RIMS2: variants seen among roughly 807,000 people sequenced by gnomAD.
RIMS2 encodes regulating synaptic membrane exocytosis protein 2.
In RIMS2, 59 loss-of-function variants were observed where a neutral mutation model predicts 174.4. That is an observed-to-expected ratio of 0.34 (90% CI 0.27 to 0.42). The LOEUF is 0.42. Ranked by LOEUF, RIMS2 falls within the 10% of genes least tolerant of loss-of-function variation. RIMS2 has a pLI of 1.00. For missense variants in RIMS2, 1,620 were observed against 1,666.3 expected, an observed-to-expected ratio of 0.97 and a Z score of 0.48; for synonymous variants, 606 against 572.5, an observed-to-expected ratio of 1.06 and a Z score of -0.84.
intron 19 of RIMS2, among the ~76,000 whole-genome samples, chr8:104,086,652 C>A (rs1045874514): frequency 1.3e-5 from 2 of 152,152 alleles, no homozygotes; most frequent in Admixed American, 1.3e-4. Flanking sequence ...ATTAGTAAGT[C>A]TTGGCATACA....
At chr8:103,806,488 G>A (rs1282288114) in intron 3 of RIMS2, among the ~76,000 whole-genome samples, 1 of 152,094 alleles carries the variant, frequency 6.6e-6, no homozygotes, top group Admixed American at 6.6e-5. Context: ...CAGCCATTTG[G>A]TCCAAAAAGC....
chr8:103,556,065 GA>G (rs1850320785), intron 1 of RIMS2, among the ~76,000 whole-genome samples: 1 of 152,062 alleles, frequency 6.6e-6, no homozygotes, highest in African/African-American at 2.4e-5. Flanking sequence ...GGATTTGTGA[GA>G]TGGTGAAAAG....
chr8:104,127,113 T>G (rs1159577956), intron 19 of RIMS2, among the ~76,000 whole-genome samples: 1 of 152,202 alleles, frequency 6.6e-6, no homozygotes, highest in Non-Finnish European at 1.5e-5. Context: ...AATACCCTGC[T>G]TTTACATTTT....
intron 19 of RIMS2, among the ~76,000 whole-genome samples, chr8:104,075,087 G>C (rs1343030693): frequency 1.3e-5 from 2 of 152,136 alleles, no homozygotes; most frequent in African/African-American, 2.4e-5. Context: ...GAAAAATTGA[G>C]CTGCTGTTAG....
intron 19 of RIMS2, among the ~76,000 whole-genome samples, 198 bp downstream of exon 23, chr8:104,068,810 A>C (rs2097147972): frequency 6.6e-6 from 1 of 152,216 alleles, no homozygotes. Flanking sequence ...AAACTATTAT[A>C]AAATACAGAA....
chr8:103,944,534 C>T (rs369182342), intron 14 of RIMS2, among the ~76,000 whole-genome samples: 8 of 151,960 alleles, frequency 5.3e-5, no homozygotes, highest in African/African-American at 7.2e-5. Flanking sequence ...ATACCTGAAA[C>T]GCTTAAATCT....
At chr8:103,542,959 A>G (rs1079944) in intron 1 of RIMS2, among the ~76,000 whole-genome samples, 9,944 of 152,288 alleles carry the variant, frequency 0.065, 400 homozygotes, top group South Asian at 0.088. Flanking sequence ...AAGATCAGGA[A>G]TAAGACAAGG....
At chr8:103,550,847 G>GA (rs1353451529) in intron 1 of RIMS2, among the ~76,000 whole-genome samples, 2 of 151,780 alleles carry the variant, frequency 1.3e-5, no homozygotes, top group African/African-American at 4.9e-5. Flanking sequence ...AAATAAAGTA[G>GA]AAAATCTAGA....
chr8:103,541,543 A>G (rs1289822194), intron 1 of RIMS2, among the ~76,000 whole-genome samples: 1 of 152,246 alleles, frequency 6.6e-6, no homozygotes, highest in Non-Finnish European at 1.5e-5. Context: ...TCAAACTGAA[A>G]TAAGAAAAGA....
At chr8:104,241,008 G>T (rs1413697154) in intron 19 of RIMS2, among the ~76,000 whole-genome samples, 3 of 152,036 alleles carry the variant, frequency 2.0e-5, no homozygotes, top group Non-Finnish European at 4.4e-5. Context: ...TATGTAACTT[G>T]CTCAGTGTCA....
At chr8:103,537,201 ATAGT>A (rs1444192839) in intron 1 of RIMS2, among the ~76,000 whole-genome samples, 2 of 152,240 alleles carry the variant, frequency 1.3e-5, no homozygotes, top group African/African-American at 4.8e-5. Flanking sequence ...ACTTGGCTAC[ATAGT>A]TAGGAGCTCA....
chr8:104,064,944 A>G (rs1277037700), intron 19 of RIMS2, among the ~76,000 whole-genome samples: 1 of 152,086 alleles, frequency 6.6e-6, no homozygotes, highest in Non-Finnish European at 1.5e-5. Context: ...ATATCAAACC[A>G]CTAAGAAGTC....
intron 19 of RIMS2, among the ~76,000 whole-genome samples, chr8:104,153,452 A>G (rs1486916178): frequency 6.6e-6 from 1 of 152,204 alleles, no homozygotes; most frequent in African/African-American, 2.4e-5. Context: ...CATTAAAATC[A>G]CATGGTAGAT....
At chr8:103,622,508 A>G (rs2095660060) in intron 1 of RIMS2, among the ~76,000 whole-genome samples, 1 of 152,172 alleles carries the variant, frequency 6.6e-6, no homozygotes, top group Non-Finnish European at 1.5e-5. Flanking sequence ...ATAATTAAAT[A>G]TATGTAACAT....
At chr8:104,106,073 AGAAAAGAAATGAAAT>A (rs1448855548) in intron 19 of RIMS2, among the ~76,000 whole-genome samples, 2 of 147,648 alleles carry the variant, frequency 1.4e-5, no homozygotes, top group Non-Finnish European at 3.0e-5. Flanking sequence ...AAAGAGAAAG[AGAAAAGAAATGAAAT>A]GAAAAGAAAT....
chr8:103,618,073 C>T (rs1191246595), intron 1 of RIMS2, among the ~76,000 whole-genome samples: 2 of 151,980 alleles, frequency 1.3e-5, no homozygotes, highest in Non-Finnish European at 2.9e-5. Context: ...ATGGCAAAGA[C>T]CATGGAATCA....
chr8:103,927,466 T>C (rs2078993490), intron 10 of RIMS2, among the ~76,000 whole-genome samples: 1 of 151,476 alleles, frequency 6.6e-6, no homozygotes, highest in African/African-American at 2.4e-5. Flanking sequence ...CACTATTCTA[T>C]TTTTTATGTA....
intron 19 of RIMS2, among the ~76,000 whole-genome samples, chr8:104,022,264 CTG>C (rs2096119420): frequency 6.6e-6 from 1 of 152,064 alleles, no homozygotes; most frequent in Non-Finnish European, 1.5e-5. Context: ...TGGGGAAGGG[CTG>C]TTTTTATCCT....
At chr8:103,811,823 CT>C (rs1427783311) in intron 3 of RIMS2, among the ~76,000 whole-genome samples, 1 of 152,218 alleles carries the variant, frequency 6.6e-6, no homozygotes, top group Non-Finnish European at 1.5e-5. Context: ...CCTAGTAATA[CT>C]TTTGAGAATA....
Sources: gnomAD v4.1 joint callset for allele counts (sites outside exome capture counted in the v4.1 genomes callset) on GRCh38, gnomAD v4.1.1 for gene constraint, MANE v1.5 for transcripts, NCBI Gene and HGNC (gene_info 2026-07-23, HGNC 2026-07-21) for gene names.